SGCD: variants seen among roughly 807,000 people sequenced by gnomAD.
The protein encoded by SGCD is delta-sarcoglycan.
In SGCD, 18 loss-of-function variants were observed where a neutral mutation model predicts 36.6. The observed-to-expected ratio is 0.49, with a 90% CI of 0.34 to 0.73. The LOEUF (loss-of-function observed/expected upper bound fraction) is 0.73. Ranked by LOEUF, SGCD falls within the 30% of genes least tolerant of loss-of-function variation. The pLI is 0.01. For missense variants in SGCD, 387 were observed against 346.7 expected (o/e 1.12, Z -0.92); for synonymous variants, 133 against 130.6 (o/e 1.02, Z -0.12).
chr5:156,492,265 C>T (rs1389785111), intron 3 of SGCD, among the ~76,000 whole-genome samples: 1 of 152,112 alleles, frequency 6.6e-6, no homozygotes, highest in African/African-American at 2.4e-5. Context: ...TCCAGAGTTA[C>T]ATCATTCATA....
chr5:156,166,352 T>C (rs1277879396), intron 3 of SGCD, among the ~76,000 whole-genome samples: 1 of 152,176 alleles, frequency 6.6e-6, no homozygotes, highest in Non-Finnish European at 1.5e-5. Context: ...AGTCTCGCTC[T>C]GTCACCCAGG....
At chr5:156,644,993 T>C (rs1763175648) in intron 6 of SGCD, among the ~76,000 whole-genome samples, 1 of 151,958 alleles carries the variant, frequency 6.6e-6, no homozygotes, top group Admixed American at 6.6e-5. Context: ...CTTGAGCTCA[T>C]CTTTATGGTG....
At chr5:156,472,474 G>A (rs1755014475) in intron 3 of SGCD, among the ~76,000 whole-genome samples, 1 of 152,156 alleles carries the variant, frequency 6.6e-6, no homozygotes, top group Non-Finnish European at 1.5e-5. Context: ...CTGGAGTGCA[G>A]TGGCATGATC....
In SGCD at chr5:156,570,004, C is replaced by A. The variant is rs183377132; in HGVS notation, c.295-19227C>A. On this transcript the variant is annotated intron_variant, in intron 4 of 8. Coordinates refer to ENST00000337851, the MANE Select transcript of SGCD (RefSeq NM_000337.6). ...AAGCCATTGAAGGATTTTTTTCCCCCATGAGAGTGACATAATCTGTGTTGA... is the reference window on the plus strand; with the variant it reads ...AAGCCATTGAAGGATTTTTTTCCCCAATGAGAGTGACATAATCTGTGTTGA... Among the ~76,000 whole-genome samples the A allele has an allele frequency of 2.2e-3, 331 of 152,142 alleles. 1 individual carries two copies. The highest frequency in any genetic ancestry group is 7.6e-3 in the African/African-American group (314 of 41,506).
intron 4 of SGCD, among the ~76,000 whole-genome samples, chr5:156,540,379 A>G (rs1275733679): frequency 2.0e-5 from 3 of 152,126 alleles, no homozygotes; most frequent in African/African-American, 7.2e-5. Context: ...TCTCTGGGGC[A>G]AGGAATTGGC....
intron 4 of SGCD, among the ~76,000 whole-genome samples, chr5:156,556,752 T>G (rs1052606997): frequency 1.3e-5 from 2 of 152,186 alleles, no homozygotes; most frequent in Non-Finnish European, 2.9e-5. Flanking sequence ...CAACTTAGGC[T>G]TTTCTTAAAC....
At chr5:155,779,261 A>G in the SGCD span, among the ~76,000 whole-genome samples, 1 of 152,116 alleles carries the variant, frequency 6.6e-6, no homozygotes, top group African/African-American at 2.4e-5. Context: ...CAACATGGCA[A>G]AACTCCATCT....
In SGCD at chr5:156,423,193, A is replaced by AATATATTTTATTATAATATAATATT. The variant is rs1554102029; in HGVS notation, c.192+78520_192+78521insATTTTATTATAATATAATATTATAT. On this transcript the variant is annotated intron_variant, in intron 3 of 8. Transcript: ENST00000337851. ...TTTAATATAATTAATTATATAATAT[A>AATATATTTTATTATAATATAATATT]ATATTATATTTTATTATAATATAAT... 4.2e-4 allele frequency among the ~76,000 whole-genome samples: 19 copies of AATATATTTTATTATAATATAATATT among 44,752 alleles called. 1 individual carries two copies. The highest frequency in any genetic ancestry group is 1.9e-3 in the African/African-American group (18 of 9,256). The allele number at this position is 44,752 out of a possible 152,430, so 29.4% of individuals were successfully genotyped here.
At chr5:156,117,623 A>T (rs1223033089) in intron 1 of SGCD, among the ~76,000 whole-genome samples, 1 of 152,122 alleles carries the variant, frequency 6.6e-6, no homozygotes, top group Non-Finnish European at 1.5e-5. Context: ...TTTAAAATTG[A>T]TTATCACAAA....
At chr5:156,180,578 G>T (rs1458610091) in intron 3 of SGCD, among the ~76,000 whole-genome samples, 1 of 152,122 alleles carries the variant, frequency 6.6e-6, no homozygotes, top group Non-Finnish European at 1.5e-5. Context: ...GGAGGGGCCA[G>T]GGGAAAGCTT....
At chr5:156,494,690 C>T (rs773456452) in intron 3 of SGCD, among the ~76,000 whole-genome samples, 1 of 152,270 alleles carries the variant, frequency 6.6e-6, no homozygotes, top group South Asian at 2.1e-4. Flanking sequence ...CCAAATTCCT[C>T]GTGGTATCTT....
At chr5:156,607,474 C>T (rs1216162261) in intron 6 of SGCD, among the ~76,000 whole-genome samples, 2 of 152,112 alleles carry the variant, frequency 1.3e-5, no homozygotes, top group Admixed American at 6.5e-5. Context: ...ATTTTTGCAT[C>T]GATGTTCATC....
intron 1 of SGCD, among the ~76,000 whole-genome samples, chr5:156,032,559 A>C (rs1759372108): frequency 6.6e-6 from 1 of 151,722 alleles, no homozygotes; most frequent in Non-Finnish European, 1.5e-5. Context: ...TCTACTAAAT[A>C]TACAAAACAT....
chr5:155,804,677 C>T, the SGCD span, among the ~76,000 whole-genome samples: 6 of 152,188 alleles, frequency 3.9e-5, no homozygotes, highest in East Asian at 1.9e-4. Flanking sequence ...GTACCCAATC[C>T]GACCATACCT....
At chr5:156,107,516 A>G (rs1350980129) in intron 1 of SGCD, among the ~76,000 whole-genome samples, 1 of 152,148 alleles carries the variant, frequency 6.6e-6, no homozygotes, top group Non-Finnish European at 1.5e-5. Context: ...CTTCTAAATT[A>G]GATTTTTACT....
At chr5:156,287,782 C>G (rs898373867) in intron 3 of SGCD, among the ~76,000 whole-genome samples, 1 of 151,920 alleles carries the variant, frequency 6.6e-6, no homozygotes, top group Non-Finnish European at 1.5e-5. Context: ...ACCTGTAATC[C>G]CAGCCCTTTG....
chr5:156,679,544 C>T (rs1267570942), intron 7 of SGCD, among the ~76,000 whole-genome samples: 5 of 152,178 alleles, frequency 3.3e-5, no homozygotes, highest in Admixed American at 1.3e-4. Context: ...CCATCTTGCT[C>T]TAGGGGCCAT....
chr5:155,843,084 C>T, the SGCD span, among the ~76,000 whole-genome samples: 4 of 152,172 alleles, frequency 2.6e-5, no homozygotes, highest in East Asian at 3.9e-4. Flanking sequence ...CCCTCAAGAG[C>T]GGGTGCTGGT....
intron 3 of SGCD, among the ~76,000 whole-genome samples, chr5:156,321,545 C>T (rs988544418): frequency 6.6e-6 from 1 of 152,134 alleles, no homozygotes; most frequent in African/African-American, 2.4e-5. Flanking sequence ...ATCTACCCAC[C>T]ACCTTTTCTC....
Sources: gnomAD v4.1 joint callset for allele counts (sites outside exome capture counted in the v4.1 genomes callset) on GRCh38, gnomAD v4.1.1 for gene constraint, MANE v1.5 for transcripts, NCBI Gene and HGNC (gene_info 2026-07-23, HGNC 2026-07-21) for gene names.